Variants in SLC30A6 observed in about 807,000 individuals in gnomAD.
SLC30A6 encodes zinc transporter 6.
Under a neutral mutation model 63.0 loss-of-function variants are expected in SLC30A6, and 55 were observed. The ratio of observed to expected loss-of-function variants is 0.87; its 90% CI spans 0.70 to 1.09. The LOEUF (loss-of-function observed/expected upper bound fraction) is 1.09. SLC30A6 is among the 50% of genes least tolerant of loss of function. The probability of loss-of-function intolerance (pLI) is 0.00; values close to 1 mark genes in which losing one functional copy is unlikely to be tolerated. For missense variants in SLC30A6, 587 were observed against 549.2 expected (o/e 1.07, Z -0.69); for synonymous variants, 224 against 186.1 (o/e 1.20, Z -1.66).
rs771726067 is a variant in SLC30A6, at chr2:32,197,782, T to C, written c.621T>C (p.Ala207=). ...ATCCATTTGTTTTGATTGATCTTGC[T>C]GGAGCATTTGCTCTTTGTATTACAT... ...RMNPFVLIDL[A]GAFALCITYM... Residue 207 remains alanine (A), a synonymous_variant, in exon 10 of 14, where the codon GCT becomes GCC. Coordinates refer to ENST00000282587, the MANE Select transcript of SLC30A6 (RefSeq NM_017964.5). 1 of 1,614,128 alleles carries C rather than the reference T, an allele frequency of 6.2e-7. No homozygotes were observed. Among genetic ancestry groups the C allele is most frequent in the East Asian group, 2.2e-5 (1 of 44,866 alleles).
chr2:32,193,836 A>G, intron 7 of SLC30A6, 53 bp from the exon 8 acceptor site: 1 of 1,423,724 alleles, frequency 7.0e-7, no homozygotes, highest in Non-Finnish European at 9.9e-7. Context: ...GAAATTACAT[A>G]CTGATAATAC....
rs1365077201 is a variant in SLC30A6, at chr2:32,220,904, GTTAA to G, written c.*192_*195del. ...TTGTGACAGTGAAATCCTCGTAAAT[GTTAA>G]AGGCTTTAAATAGGCTTCCTTTAGA... On this transcript the variant is annotated 3_prime_UTR_variant, in exon 14 of 14. Coordinates refer to ENST00000282587, the MANE Select transcript of SLC30A6 (RefSeq NM_017964.5). 4 of 574,814 alleles carry G rather than the reference GTTAA, an allele frequency of 7.0e-6. No homozygotes were observed. Among genetic ancestry groups the G allele is most frequent in the Admixed American group, 3.3e-5 (1 of 30,196 alleles). The allele number at this position is 574,814 out of a possible 1,614,324, so 35.6% of individuals were successfully genotyped here. A position where few individuals can be genotyped will look rare whatever the true frequency, so the allele number is the denominator to read the frequency against.
intron 13 of SLC30A6, among the ~76,000 whole-genome samples, chr2:32,219,084 A>G (rs1355889431): frequency 6.6e-6 from 1 of 151,932 alleles, no homozygotes; most frequent in Non-Finnish European, 1.5e-5. Flanking sequence ...CCATGCTGGG[A>G]GTGCGATGGC....
chr2:32,187,156 G>A (rs1251033944), intron 5 of SLC30A6: 2 of 470,604 alleles, frequency 4.2e-6, no homozygotes, highest in Non-Finnish European at 8.8e-6. Flanking sequence ...TCCCAGGCCT[G>A]CTTTTCTCTG....
At chr2:32,213,957 C>T (rs756941845) in intron 13 of SLC30A6, among the ~76,000 whole-genome samples, 1 of 152,066 alleles carries the variant, frequency 6.6e-6, no homozygotes, top group Non-Finnish European at 1.5e-5. Context: ...AAGAAGCTAT[C>T]TGTGAAACTG....
chr2:32,181,485 T>A (rs971093898), intron 4 of SLC30A6, among the ~76,000 whole-genome samples: 1 of 152,186 alleles, frequency 6.6e-6, no homozygotes, highest in African/African-American at 2.4e-5. Flanking sequence ...CAAAAGTTAA[T>A]ATTTAGACAC....
At chr2:32,172,019 G>A (rs964607712) in intron 2 of SLC30A6, among the ~76,000 whole-genome samples, 1 of 152,048 alleles carries the variant, frequency 6.6e-6, no homozygotes, top group African/African-American at 2.4e-5. Context: ...TTAATGTAGG[G>A]CAAGAAAAAT....
chr2:32,219,095 G>A (rs754818116), intron 13 of SLC30A6, among the ~76,000 whole-genome samples: 15 of 151,954 alleles, frequency 9.9e-5, no homozygotes, highest in Admixed American at 7.9e-4. Flanking sequence ...GTGCGATGGC[G>A]TGATCTCGGC....
At chr2:32,219,627 G>A (rs1685996727) in intron 13 of SLC30A6, among the ~76,000 whole-genome samples, 1 of 151,324 alleles carries the variant, frequency 6.6e-6, no homozygotes, top group Non-Finnish European at 1.5e-5. Context: ...GTGGAGACTG[G>A]GTTTCACCAT....
chr2:32,210,107 G>A (rs212687), intron 13 of SLC30A6, among the ~76,000 whole-genome samples: 76,120 of 151,958 alleles, frequency 0.5, 19,296 homozygotes, highest in African/African-American at 0.52. Context: ...GGTTTTACTC[G>A]TACGTTAGGA....
In SLC30A6 at chr2:32,220,260, G is replaced by A; in HGVS notation, c.933G>A (p.Met311Ile). 1 of 1,614,128 alleles carries A rather than the reference G, an allele frequency of 6.2e-7. No homozygotes were observed. ...TTCGACGAGATGCCAATGAACAAAT[G>A]GTTCTTGCTCATGTGACCAACAGGC... ...VRIRRDANEQMVLAHVTNRLY... is the reference protein window; with the variant it reads ...VRIRRDANEQIVLAHVTNRLY... Residue 311 changes from methionine to isoleucine, a missense_variant, in exon 14 of 14, where the codon ATG (methionine) becomes ATA (isoleucine). Coordinates refer to ENST00000282587, the MANE Select transcript of SLC30A6 (RefSeq NM_017964.5).
rs144895813 is a variant in SLC30A6 at position 32,198,995 on chromosome 2, C to T, written c.665+1169C>T. ...TCATTAAGCAGCTTTCCTTTTCCTC[C>T]TCCTCACAGCCCCTGGAAACCACCA... On this transcript the variant is annotated intron_variant, in intron 10 of 13. Coordinates refer to ENST00000282587, the MANE Select transcript of SLC30A6 (RefSeq NM_017964.5). 9.6e-3 allele frequency among the ~76,000 whole-genome samples: 1,465 copies of T among 152,296 alleles called. 27 individuals carry two copies. The highest frequency in any genetic ancestry group is 0.049 in the South Asian group (238 of 4,830).
intron 10 of SLC30A6, 41 bp from the exon 11 acceptor site, chr2:32,204,549 G>T: frequency 1.5e-6 from 2 of 1,343,992 alleles, no homozygotes; most frequent in South Asian, 2.4e-5. Context: ...TATGCCCAGT[G>T]AGATATAAAT....
chr2:32,217,113 G>A (rs1176980786), intron 13 of SLC30A6, among the ~76,000 whole-genome samples: 4 of 151,620 alleles, frequency 2.6e-5, no homozygotes, highest in Non-Finnish European at 5.9e-5. Context: ...GGTCAGGCTG[G>A]TCTTGAACTC....
chr2:32,211,020 T>C (rs1685213634), intron 13 of SLC30A6, among the ~76,000 whole-genome samples: 1 of 152,182 alleles, frequency 6.6e-6, no homozygotes, highest in African/African-American at 2.4e-5. Flanking sequence ...GCTTTAGAGA[T>C]CTACCCACCT....
At chr2:32,202,858 A>G in intron 10 of SLC30A6, 1 of 904,724 alleles carries the variant, frequency 1.1e-6, no homozygotes, top group Non-Finnish European at 1.9e-6. Context: ...GTTTTTGGAA[A>G]AATGACTCAA....
rs1216063582 is a variant in SLC30A6, at chr2:32,192,904, T to C, written c.366-14T>C. On this transcript the variant is annotated splice_polypyrimidine_tract_variant and intron_variant, in intron 6 of 13. Transcript: ENST00000282587. ...ATTTATAGGACTTATTTAATATATT[T>C]TTATTTCTTATAGTGCAGAACGCTT... 1 of 1,471,888 alleles carries C rather than the reference T, an allele frequency of 6.8e-7. No individual in the cohort carries two copies. Among genetic ancestry groups the C allele is most frequent in the Admixed American group, 2.1e-5 (1 of 47,426 alleles). 91.2% of individuals were successfully genotyped at this position (1,471,888 alleles called of 1,614,324 possible). A position where few individuals can be genotyped will look rare whatever the true frequency, so the allele number is the denominator to read the frequency against.
At chr2:32,201,067 A>G (rs1406133788) in intron 10 of SLC30A6, among the ~76,000 whole-genome samples, 1 of 152,092 alleles carries the variant, frequency 6.6e-6, no homozygotes, top group Non-Finnish European at 1.5e-5. Flanking sequence ...CTTCTGGATT[A>G]TCTCCACCCC....
intron 5 of SLC30A6, among the ~76,000 whole-genome samples, chr2:32,191,731 GA>G (rs933143150): frequency 6.7e-6 from 1 of 150,216 alleles, no homozygotes. Flanking sequence ...ATCTGTTTGG[GA>G]AAAAAAAATG....
Sources: gnomAD v4.1 joint callset for allele counts (sites outside exome capture counted in the v4.1 genomes callset) on GRCh38, gnomAD v4.1.1 for gene constraint, MANE v1.5 for transcripts, NCBI Gene and HGNC (gene_info 2026-07-23, HGNC 2026-07-21) for gene names.